The following IMPG1 variants were observed in gnomAD, a reference collection of about 807,000 sequenced individuals.
The protein encoded by IMPG1 is interphotoreceptor matrix proteoglycan of 150 kDa.
In IMPG1, 85 loss-of-function variants were observed where a neutral mutation model predicts 92.0. The ratio of observed to expected loss-of-function variants is 0.92; its 90% CI spans 0.78 to 1.11. The LOEUF is 1.11. Ranked by LOEUF, IMPG1 falls within the 50% of genes least tolerant of loss-of-function variation. IMPG1 has a pLI of 0.00. For synonymous variants in IMPG1, 367 were observed against 334.1 expected (o/e 1.10, Z -1.08); for missense variants, 1,022 against 956.0 (o/e 1.07, Z -0.91).
At chr6:75,936,811 C>T (rs1443945877) in intron 14 of IMPG1, among the ~76,000 whole-genome samples, 1 of 152,162 alleles carries the variant, frequency 6.6e-6, no homozygotes, top group Non-Finnish European at 1.5e-5. Context: ...AGAATTCTGA[C>T]ACTGGGGGAG....
intron 1 of IMPG1, among the ~76,000 whole-genome samples, chr6:76,046,968 T>G (rs1783954977): frequency 6.6e-6 from 1 of 152,164 alleles, no homozygotes; most frequent in African/African-American, 2.4e-5. Context: ...AAATAAAATA[T>G]CAGCAATAGC....
intron 12 of IMPG1, among the ~76,000 whole-genome samples, chr6:75,979,006 G>T (rs753384983): frequency 6.6e-6 from 1 of 152,060 alleles, no homozygotes; most frequent in Non-Finnish European, 1.5e-5. Flanking sequence ...CCACCTCCTC[G>T]GGCTCAGGTA....
chr6:76,012,072 A>G (rs1225318021), intron 7 of IMPG1, among the ~76,000 whole-genome samples: 1 of 152,220 alleles, frequency 6.6e-6, no homozygotes, highest in Non-Finnish European at 1.5e-5. Context: ...GATTACATTC[A>G]AAATGGCTGC....
chr6:75,958,222 C>A (rs1289037428), intron 12 of IMPG1, among the ~76,000 whole-genome samples: 3 of 152,198 alleles, frequency 2.0e-5, no homozygotes, highest in Admixed American at 6.5e-5. Flanking sequence ...GGTCCCCACT[C>A]TCTTCTGGCT....
rs1377814026 is a variant in IMPG1 at position 75,931,163 on chromosome 6, G to A, written c.2045-12C>T. On this transcript the variant is annotated splice_polypyrimidine_tract_variant and intron_variant, in intron 14 of 16. Coordinates refer to ENST00000369950, the MANE Select transcript of IMPG1 (RefSeq NM_001563.4). The stretch of plus-strand genomic sequence containing the variant: ...ATCTGCTTGATCAGCTGTAAGAAAT[G>A]GGGCAGATTTTAACGCATGTATGAA... The A allele has an allele frequency of 1.9e-6, 3 of 1,604,322 alleles. No individual in the cohort carries two copies. The highest frequency in any genetic ancestry group is 4.5e-5 in the East Asian group (2 of 44,654).
intron 4 of IMPG1, among the ~76,000 whole-genome samples, chr6:76,032,999 G>C (rs1456316942): frequency 6.6e-6 from 1 of 152,178 alleles, no homozygotes. Flanking sequence ...CTTGTGCAAA[G>C]TTCACTAAAG....
At chr6:75,982,539 G>T (rs900131997) in intron 12 of IMPG1, among the ~76,000 whole-genome samples, 4 of 99,764 alleles carry the variant, frequency 4.0e-5, no homozygotes, top group African/African-American at 1.5e-4. Context: ...AAAAAAATGT[G>T]TATATCTATC....
intron 15 of IMPG1, 22 bp downstream of exon 15, chr6:75,930,931 G>A: frequency 6.2e-7 from 1 of 1,602,420 alleles, no homozygotes; most frequent in Non-Finnish European, 8.6e-7. Context: ...TTGAGTCTGT[G>A]ACGTTAGCAT....
intron 2 of IMPG1, among the ~76,000 whole-genome samples, chr6:76,039,459 G>A (rs899588385): frequency 1.3e-5 from 2 of 151,556 alleles, no homozygotes; most frequent in Admixed American, 6.6e-5. Context: ...GGGTTTGAGC[G>A]ATTCTCCTGC....
rs532384538 is a variant in IMPG1 at position 76,070,901 on chromosome 6, G to T, written c.67+1521C>A. Among the ~76,000 whole-genome samples the T allele has an allele frequency of 9.9e-5, 15 of 151,998 alleles. No individual in the cohort carries two copies. In the South Asian group the frequency reaches 2.9e-3, roughly 29 times the overall value. ...CTATTCAGGTGATGGTTACACTAAA[G>T]CCCAGATTTCACCAGTGTGCAATAT... On this transcript the variant is annotated intron_variant, in intron 1 of 16. Coordinates refer to ENST00000369950, the MANE Select transcript of IMPG1 (RefSeq NM_001563.4).
intron 12 of IMPG1, among the ~76,000 whole-genome samples, chr6:75,986,616 G>A (rs1266642705): frequency 6.6e-6 from 1 of 152,146 alleles, no homozygotes; most frequent in African/African-American, 2.4e-5. Context: ...TCCTTATCAA[G>A]CAAAGTGGTT....
chr6:75,967,010 T>C (rs1782318317), intron 12 of IMPG1, among the ~76,000 whole-genome samples: 1 of 152,134 alleles, frequency 6.6e-6, no homozygotes, highest in Non-Finnish European at 1.5e-5. Flanking sequence ...AAAACCCATC[T>C]CTACTAAAAA....
At chr6:75,975,153 T>C (rs929002800) in intron 12 of IMPG1, among the ~76,000 whole-genome samples, 2 of 152,216 alleles carry the variant, frequency 1.3e-5, no homozygotes, top group Non-Finnish European at 2.9e-5. Flanking sequence ...CTTTGCAACA[T>C]ACCCAGTAAT....
intron 1 of IMPG1, among the ~76,000 whole-genome samples, chr6:76,061,015 G>A (rs985013254): frequency 6.6e-6 from 1 of 152,050 alleles, no homozygotes; most frequent in African/African-American, 2.4e-5. Flanking sequence ...TGAATTTCCA[G>A]ACATAATTAG....
chr6:76,042,205 A>G lies in IMPG1; in HGVS notation c.68-79T>C, dbSNP rs1341815052. ...TGACATATATGGATAAATGACTGAA[A>G]TAAACTGAAAATTATAATCCTTTAG... On this transcript the variant is annotated intron_variant, in intron 1 of 16. Transcript: ENST00000369950. 3.8e-6 allele frequency: 3 copies of G among 786,734 alleles called. No individual in the cohort carries two copies. The East Asian group carries it at 7.4e-5, about 19-fold the overall frequency. The allele number at this position is 786,734 out of a possible 1,614,324, so 48.7% of individuals were successfully genotyped here.
chr6:76,064,879 C>T (rs1784280726), intron 1 of IMPG1, among the ~76,000 whole-genome samples: 2 of 152,110 alleles, frequency 1.3e-5, no homozygotes, highest in Non-Finnish European at 2.9e-5. Context: ...ACAGTGCTGG[C>T]TTCCTGAGAC....
At chr6:75,958,585 T>C (rs1782165980) in intron 12 of IMPG1, among the ~76,000 whole-genome samples, 1 of 152,148 alleles carries the variant, frequency 6.6e-6, no homozygotes, top group Non-Finnish European at 1.5e-5. Flanking sequence ...GCTTTGTTTG[T>C]TCCTTTTCAT....
chr6:75,956,662 C>A (rs959331070), intron 12 of IMPG1, among the ~76,000 whole-genome samples: 15 of 152,044 alleles, frequency 9.9e-5, no homozygotes, highest in Admixed American at 9.8e-4. Flanking sequence ...TCTTGCTTCT[C>A]TAATTGTTTT....
intron 15 of IMPG1, among the ~76,000 whole-genome samples, chr6:75,927,228 A>G (rs1396644435): frequency 6.6e-6 from 1 of 152,134 alleles, no homozygotes. Context: ...AAAACCATGA[A>G]TTTATTCCTG....
Sources: gnomAD v4.1 joint callset for allele counts (sites outside exome capture counted in the v4.1 genomes callset) on GRCh38, gnomAD v4.1.1 for gene constraint, MANE v1.5 for transcripts, NCBI Gene and HGNC (gene_info 2026-07-23, HGNC 2026-07-21) for gene names.